DDX31: variants seen among roughly 807,000 people sequenced by gnomAD.
DDX31 encodes the protein ATP-dependent DNA helicase DDX31.
DDX31 carries 70 observed loss-of-function variants against 91.3 expected under a neutral mutation model. The observed-to-expected ratio is 0.77, with a 90% CI of 0.63 to 0.94. The LOEUF (loss-of-function observed/expected upper bound fraction) is 0.94. Among genes scored for constraint, DDX31 ranks in the 40% least tolerant of loss-of-function variants. The pLI is 0.00. For missense variants in DDX31, 902 were observed against 925.0 expected, an observed-to-expected ratio of 0.98 and a Z score of 0.32; for synonymous variants, 362 against 350.6, an observed-to-expected ratio of 1.03 and a Z score of -0.36.
intron 18 of DDX31, among the ~76,000 whole-genome samples, chr9:132,612,474 T>C (rs1167813156): frequency 6.6e-6 from 1 of 152,190 alleles, no homozygotes; most frequent in Admixed American, 6.5e-5. Context: ...CCACAATTAT[T>C]ACTTGAATAT....
At chr9:132,613,634 G>C (rs1831472805) in intron 18 of DDX31, among the ~76,000 whole-genome samples, 1 of 152,160 alleles carries the variant, frequency 6.6e-6, no homozygotes, top group African/African-American at 2.4e-5. Context: ...GCTGAGGATG[G>C]AGTTAGCAGA....
At chr9:132,648,028 G>T (rs1393365970) in intron 11 of DDX31, among the ~76,000 whole-genome samples, 161 bp downstream of exon 11, 1 of 152,094 alleles carries the variant, frequency 6.6e-6, no homozygotes. Flanking sequence ...AGTTGGGAGT[G>T]TAGAACATAG....
intron 17 of DDX31, among the ~76,000 whole-genome samples, chr9:132,623,857 T>C (rs1832214781): frequency 6.6e-6 from 1 of 151,748 alleles, no homozygotes; most frequent in South Asian, 2.1e-4. Flanking sequence ...ATGAAGTATC[T>C]GGGGGAACAT....
chr9:132,611,051 G>C (rs1489075049), intron 19 of DDX31, among the ~76,000 whole-genome samples: 1 of 152,198 alleles, frequency 6.6e-6, no homozygotes, highest in Non-Finnish European at 1.5e-5. Context: ...GTGGGAACAG[G>C]AAGCACAGAG....
Position 132,654,636 on chromosome 9 carries a change from C to G in DDX31, c.589-2144G>C, listed in dbSNP as rs947232870. Among the ~76,000 whole-genome samples the G allele has an allele frequency of 5.0e-4, 76 of 151,150 alleles. 1 individual carries two copies. The highest frequency in any genetic ancestry group is 1.8e-3 in the African/African-American group (76 of 41,136). On this transcript the variant is annotated intron_variant, in intron 6 of 19. Coordinates refer to ENST00000372159, the MANE Select transcript of DDX31 (RefSeq NM_022779.9). The stretch of plus-strand genomic sequence containing the variant: ...TCAAACAAAACAAAACAAAACAAAA[C>G]AAAATTCAAATAGAAAAATGAATAA...
chr9:132,658,173 A>G (rs1401908907), intron 6 of DDX31: 9 of 651,814 alleles, frequency 1.4e-5, no homozygotes, highest in South Asian at 5.2e-5. Flanking sequence ...CATGGCCCCT[A>G]CATAGCACAG....
rs759601011 is a variant in DDX31 at position 132,630,383 on chromosome 9, A to G, written c.1512T>C (p.Pro504=). ...TTCCAATCCGGTGGATGTATTCTGC[A>G]GGTGAAGATGGAGCGTTGTACTAAA... is the stretch of plus-strand genomic sequence containing the variant. The part of the protein sequence containing the change: ...WIVQYNAPSS[P]AEYIHRIGRT... Residue 504 remains proline, a synonymous_variant, in exon 16 of 20, where the codon CCT becomes CCC. Transcript: ENST00000372159. 3.1e-6 allele frequency: 5 copies of G among 1,598,890 alleles called. No homozygotes were observed. The highest frequency in any genetic ancestry group is 1.7e-4 in the Middle Eastern group (1 of 6,014).
chr9:132,669,691 G>C (rs1225538337), intron 1 of DDX31, 169 bp downstream of exon 1: 8 of 1,533,828 alleles, frequency 5.2e-6, no homozygotes, highest in Non-Finnish European at 7.0e-6. Context: ...TGGTGTTCCG[G>C]TTAGAGACAC....
At chr9:132,663,519 A>C (rs1835120764) in intron 1 of DDX31, 1 of 985,344 alleles carries the variant, frequency 1.0e-6, no homozygotes, top group Admixed American at 6.1e-5. Context: ...TTCCCCTAGG[A>C]GAAGGAACAT....
chr9:132,645,462 T>A (rs1833769379), intron 13 of DDX31, among the ~76,000 whole-genome samples: 2 of 152,194 alleles, frequency 1.3e-5, no homozygotes, highest in South Asian at 4.1e-4. Context: ...CAGTACCATA[T>A]GGGATCCACA....
intron 17 of DDX31, among the ~76,000 whole-genome samples, chr9:132,619,880 GTTTT>G (rs11452408): frequency 7.1e-6 from 1 of 140,146 alleles, no homozygotes; most frequent in African/African-American, 2.6e-5. Flanking sequence ...CCTTCCCTGT[GTTTT>G]TTTTTTTTTT....
chr9:132,654,126 C>G (rs952550761), intron 6 of DDX31, among the ~76,000 whole-genome samples: 2 of 152,044 alleles, frequency 1.3e-5, no homozygotes, highest in Non-Finnish European at 2.9e-5. Context: ...ACATAAAACT[C>G]AGAAACCTTA....
chr9:132,623,551 C>CAAAAAAAAAAA (rs34868804), intron 17 of DDX31, among the ~76,000 whole-genome samples: 25 of 65,568 alleles, frequency 3.8e-4, no homozygotes, highest in East Asian at 6.4e-4. Context: ...GACTCCATCT[C>CAAAAAAAAAAA]AAAAAAAAAA....
chr9:132,663,220 A>G, intron 1 of DDX31: 1 of 1,289,216 alleles, frequency 7.8e-7, no homozygotes, highest in Non-Finnish European at 1.0e-6. Flanking sequence ...AACATTCATT[A>G]CCATTCTACC....
At position 132,612,259 on chromosome 9, in the gene DDX31, A is replaced by G; in HGVS notation, c.1826-4T>C. ...GCTTGGATGAAGGACTGCAGAGCTGAAAGAAAAGAGAGCGGGGAGGGAAGC... is the reference window on the plus strand; with the variant it reads ...GCTTGGATGAAGGACTGCAGAGCTGGAAGAAAAGAGAGCGGGGAGGGAAGC... On this transcript the variant is annotated splice_region_variant and splice_polypyrimidine_tract_variant and intron_variant, in intron 18 of 19. Transcript: ENST00000372159. 2 of 1,614,188 alleles carry G rather than the reference A, an allele frequency of 1.2e-6. No individual in the cohort carries two copies. Among genetic ancestry groups the G allele is most frequent in the Non-Finnish European group, 1.7e-6 (2 of 1,180,024 alleles).
intron 17 of DDX31, among the ~76,000 whole-genome samples, chr9:132,621,669 A>C (rs1163990103): frequency 1.3e-5 from 2 of 152,190 alleles, no homozygotes; most frequent in Non-Finnish European, 2.9e-5. Flanking sequence ...CATGCTAGAG[A>C]ACTGCTCAAA....
chr9:132,661,301 TTAACGGA>T, intron 3 of DDX31, 50 bp from the exon 4 acceptor site: 1 of 1,401,626 alleles, frequency 7.1e-7, no homozygotes, highest in Non-Finnish European at 1.0e-6. Flanking sequence ...TACAAAATAT[TTAACGGA>T]AATTACACAA....
intron 18 of DDX31, among the ~76,000 whole-genome samples, chr9:132,616,735 G>GGAATTCGA (rs1281304097): frequency 6.6e-6 from 1 of 152,132 alleles, no homozygotes; most frequent in East Asian, 1.9e-4. Context: ...AAAACCCTTG[G>GGAATTCGA]GAATTGTTGA....
rs1830347972 is a variant in DDX31, at chr9:132,594,752, G to A, written c.*114C>T. ...TGTGGCCCCTCTGATTCTTGGGGAC[G>A]TGGTATTCAGGCAAAGGCGCAGTTA... On this transcript the variant is annotated 3_prime_UTR_variant, in exon 20 of 20. Coordinates refer to ENST00000372159, the MANE Select transcript of DDX31 (RefSeq NM_022779.9). The A allele has an allele frequency of 1.5e-5, 23 of 1,489,758 alleles. No homozygotes were observed. Among genetic ancestry groups the A allele is most frequent in the South Asian group, 2.7e-5 (2 of 74,384 alleles). The allele number at this position is 1,489,758 out of a possible 1,614,324, so 92.3% of individuals were successfully genotyped here. A position where few individuals can be genotyped will look rare whatever the true frequency, so the allele number is the denominator to read the frequency against.
Sources: gnomAD v4.1 joint callset for allele counts (sites outside exome capture counted in the v4.1 genomes callset) on GRCh38, gnomAD v4.1.1 for gene constraint, MANE v1.5 for transcripts, NCBI Gene and HGNC (gene_info 2026-07-23, HGNC 2026-07-21) for gene names.